The following DDX60 variants were observed in gnomAD, a reference collection of about 807,000 sequenced individuals.
DDX60 encodes probable ATP-dependent RNA helicase DDX60.
DDX60 carries 165 observed loss-of-function variants against 212.8 expected under a neutral mutation model. That is an observed-to-expected ratio of 0.78 (90% CI 0.68 to 0.88). The LOEUF (loss-of-function observed/expected upper bound fraction) is 0.88. Ranked by LOEUF, DDX60 falls within the 40% of genes least tolerant of loss-of-function variation. The probability of loss-of-function intolerance (pLI) is 0.00; values close to 1 mark genes in which losing one functional copy is unlikely to be tolerated. For synonymous variants in DDX60, 703 were observed against 685.3 expected (o/e 1.03, Z -0.40); for missense variants, 1,905 against 2,003.9 (o/e 0.95, Z 0.94).
chr4:168,293,342 C>T (rs1310743932), intron 7 of DDX60, among the ~76,000 whole-genome samples: 5 of 152,202 alleles, frequency 3.3e-5, no homozygotes. Context: ...GGAGTTCAAT[C>T]CACCTTGCTA....
chr4:168,261,906 G>C, intron 24 of DDX60, 94 bp downstream of exon 24: 1 of 1,357,890 alleles, frequency 7.4e-7, no homozygotes, highest in African/African-American at 1.5e-5. Flanking sequence ...TAAAAATTGA[G>C]GATTAAAAAA....
intron 15 of DDX60, 114 bp downstream of exon 15, chr4:168,275,901 A>G: frequency 3.2e-6 from 3 of 936,776 alleles, no homozygotes; most frequent in Non-Finnish European, 3.0e-6. Flanking sequence ...TACTAATAAT[A>G]GTATTTTCAG....
Position 168,217,059 on chromosome 4 carries a change from T to C in DDX60, c.5040-27A>G, listed in dbSNP as rs1732872736. On this transcript the variant is annotated intron_variant, in intron 37 of 37. Coordinates refer to ENST00000393743, the MANE Select transcript of DDX60 (RefSeq NM_017631.6). ...TGGAAATGGGGAAAAAAATATAGGA[T>C]CCACTTTAGTGAGATTGAATATTAT... 4 of 1,458,998 alleles carry C rather than the reference T, an allele frequency of 2.7e-6. No homozygotes were observed. The East Asian group carries it at 9.2e-5, about 34-fold the overall frequency. The allele number at this position is 1,458,998 out of a possible 1,614,324, so 90.4% of individuals were successfully genotyped here.
chr4:168,276,267 C>CT, intron 14 of DDX60, 86 bp from the exon 15 acceptor site: 3 of 1,077,668 alleles, frequency 2.8e-6, no homozygotes, highest in Non-Finnish European at 3.9e-6. Flanking sequence ...TCTAGATGGC[C>CT]TCACTATCTC....
At chr4:168,228,037 T>A (rs547131549) in intron 33 of DDX60, among the ~76,000 whole-genome samples, 1 of 152,254 alleles carries the variant, frequency 6.6e-6, no homozygotes, top group Non-Finnish European at 1.5e-5. Flanking sequence ...GATATTGTCA[T>A]TGTGCAAACA....
intron 7 of DDX60, 144 bp from the exon 8 acceptor site, chr4:168,292,050 T>C (rs866902520): frequency 3.6e-5 from 5 of 137,310 alleles, no homozygotes; most frequent in African/African-American, 1.9e-4. Flanking sequence ...TCTTTCTTTC[T>C]TTTTTTTTTT....
chr4:168,317,984 G>A (rs1344282567), intron 1 of DDX60, among the ~76,000 whole-genome samples: 1 of 152,204 alleles, frequency 6.6e-6, no homozygotes, highest in African/African-American at 2.4e-5. Flanking sequence ...TCAGCTCGAT[G>A]AGATGCTGAA....
Position 168,272,091 on chromosome 4 carries a change from AG to A in DDX60, c.2621del (p.Pro874LeufsTer7), listed in dbSNP as rs1735126468. 6.3e-7 allele frequency: 1 copy of A among 1,587,216 alleles called. No homozygotes were observed. The highest frequency in any genetic ancestry group is 1.3e-5 in the African/African-American group (1 of 74,370). ...TCTTTTTCACCCAGTTTTGGCGATG[AG>A]GAGCAAGCAGCAGAATTTCAAAGCA... ...PACFEILLLAPHRQNWVKKIR... is the reference protein window; with the variant it reads ...PACFEILLLAXHRQNWVKKIR... On this transcript the variant is annotated frameshift_variant, in exon 19 of 38. Coordinates refer to ENST00000393743, the MANE Select transcript of DDX60 (RefSeq NM_017631.6). LOFTEE classifies it high-confidence loss of function.
Position 168,265,843 on chromosome 4 carries a change from AAG to A in DDX60, c.3039+1737_3039+1738del, listed in dbSNP as rs1579019306. Among the ~76,000 whole-genome samples the A allele has an allele frequency of 1.3e-3, 20 of 15,452 alleles. No homozygotes were observed. In the East Asian group the frequency reaches 0.018, roughly 14 times the overall value. The allele number at this position is 15,452 out of a possible 152,430, so 10.1% of individuals were successfully genotyped here. A position where few individuals can be genotyped will look rare whatever the true frequency, so the allele number is the denominator to read the frequency against. On this transcript the variant is annotated intron_variant, in intron 22 of 37. Coordinates refer to ENST00000393743, the MANE Select transcript of DDX60 (RefSeq NM_017631.6). The stretch of plus-strand genomic sequence containing the variant: ...AAGGAGGGAAGGAGGGAAGGAAGGG[AAG>A]GGAAGGGAAGGGAAGGGAAGGGAAG...
chr4:168,239,242 A>T (rs928917356), intron 30 of DDX60, among the ~76,000 whole-genome samples: 3 of 152,162 alleles, frequency 2.0e-5, no homozygotes, highest in Admixed American at 2.0e-4. Context: ...TGATAGAGAT[A>T]GGAAGATAGA....
Position 168,285,377 on chromosome 4 carries a change from GT to G in DDX60, c.1445+15del. On this transcript the variant is annotated intron_variant, in intron 11 of 37. Coordinates refer to ENST00000393743, the MANE Select transcript of DDX60 (RefSeq NM_017631.6). ...CCACACAAGTATTTATTGAGGCACA[GT>G]TTTTGGCCTTATACCTCTTTAGAAA... 1.4e-6 allele frequency: 2 copies of G among 1,478,040 alleles called. No homozygotes were observed. The highest frequency in any genetic ancestry group is 9.4e-7 in the Non-Finnish European group (1 of 1,063,428). 91.6% of individuals were successfully genotyped at this position (1,478,040 alleles called of 1,614,324 possible). A position where few individuals can be genotyped will look rare whatever the true frequency, so the allele number is the denominator to read the frequency against.
In DDX60 at chr4:168,243,150, C is replaced by T. The variant is rs1733909303; in HGVS notation, c.4164+3268G>A. Among the ~76,000 whole-genome samples the T allele has an allele frequency of 2.0e-5, 3 of 152,266 alleles. No individual in the cohort carries two copies. In the South Asian group the frequency reaches 6.2e-4, roughly 32 times the overall value. On this transcript the variant is annotated intron_variant, in intron 30 of 37. Transcript: ENST00000393743. ...CATGTGGAACTGTAAGTCCATTAAA[C>T]CTCTTTCTTTTGTAAATTGCCCAGT... is the stretch of plus-strand genomic sequence containing the variant.
Position 168,275,459 on chromosome 4 carries a change from T to A in DDX60, c.2190A>T (p.Ser730=). 1 of 1,611,342 alleles carries A rather than the reference T, an allele frequency of 6.2e-7. No individual in the cohort carries two copies. Among genetic ancestry groups the A allele is most frequent in the East Asian group, 2.2e-5 (1 of 44,818 alleles). ...GGAACCGAGCTGGCCCAATGCCAAC[T>A]GAATATTTATTCCTTTTCTTCACTT... The part of the protein sequence containing the change: ...DVKVKKRNKY[S]VGIGPARFQL... Residue 730 remains serine (S), a synonymous_variant, in exon 16 of 38, where the codon TCA becomes TCT. Transcript: ENST00000393743.
Position 168,267,704 on chromosome 4 carries a change from A to G in DDX60, c.2930-13T>C. 2 of 1,565,700 alleles carry G rather than the reference A, an allele frequency of 1.3e-6. No homozygotes were observed. The highest frequency in any genetic ancestry group is 1.7e-6 in the Non-Finnish European group (2 of 1,153,430). ...TCTCCATAGAGCACTAAAAATGAAG[A>G]ACAAGAATTTCCACATCAATGGAAA... On this transcript the variant is annotated splice_polypyrimidine_tract_variant and intron_variant, in intron 21 of 37. Coordinates refer to ENST00000393743, the MANE Select transcript of DDX60 (RefSeq NM_017631.6).
Position 168,272,180 on chromosome 4 carries a change from T to A in DDX60, c.2575-42A>T, listed in dbSNP as rs777673405. The A allele has an allele frequency of 1.2e-5, 18 of 1,460,094 alleles. No individual in the cohort carries two copies. In the Admixed American group the frequency reaches 2.7e-4, roughly 22 times the overall value. 90.4% of individuals were successfully genotyped at this position (1,460,094 alleles called of 1,614,324 possible). On this transcript the variant is annotated intron_variant, in intron 18 of 37. Coordinates refer to ENST00000393743, the MANE Select transcript of DDX60 (RefSeq NM_017631.6). ...TGTGTGAAGTAACATTTTGAGCACT[T>A]ACTATGTGTTGACATATTTACAGGA...
At chr4:168,264,347 G>A (rs1734751179) in intron 22 of DDX60, among the ~76,000 whole-genome samples, 1 of 152,146 alleles carries the variant, frequency 6.6e-6, no homozygotes, top group Non-Finnish European at 1.5e-5. Flanking sequence ...AGTACTGAAA[G>A]ATAGCTAAAT....
Position 168,275,444 on chromosome 4 carries a change from T to A in DDX60, c.2205A>T (p.Pro735=). 6.2e-7 allele frequency: 1 copy of A among 1,612,814 alleles called. No individual in the cohort carries two copies. ...KRNKYSVGIG[P]ARFQLQYMGH... ...CCATGTATTGCAGTTGGAACCGAGC[T>A]GGCCCAATGCCAACTGAATATTTAT... is the stretch of plus-strand genomic sequence containing the variant. The change falls in exon 16 of 38, where the codon CCA becomes CCT. Residue 735 remains proline, a synonymous_variant. Transcript: ENST00000393743.
At chr4:168,311,217 T>C (rs1265239795) in intron 2 of DDX60, 39 bp downstream of exon 2, 5 of 1,604,490 alleles carry the variant, frequency 3.1e-6, no homozygotes, top group African/African-American at 2.7e-5. Flanking sequence ...CAGGGTAACA[T>C]TGTTTTATAA....
chr4:168,291,970 C>A, intron 7 of DDX60, 64 bp from the exon 8 acceptor site: 1 of 1,217,900 alleles, frequency 8.2e-7, no homozygotes, highest in Non-Finnish European at 1.1e-6. Flanking sequence ...TAATAAGCAT[C>A]TAGGACCACA....
Sources: allele counts gnomAD v4.1 joint callset (sites outside exome capture counted in the v4.1 genomes callset), GRCh38; gene constraint gnomAD v4.1.1; transcripts MANE v1.5; gene names NCBI Gene and HGNC (gene_info 2026-07-23, HGNC 2026-07-21).